Variants in GALR1 observed in about 807,000 individuals in gnomAD.
GALR1 encodes the protein galanin receptor 1, also known as galanin receptor type 1.
A neutral mutation model predicts 17.9 loss-of-function variants in GALR1; 11 were observed. The ratio of observed to expected loss-of-function variants is 0.62; its 90% CI spans 0.39 to 1.02. The LOEUF is 1.02. Ranked by LOEUF, GALR1 falls within the 50% of genes least tolerant of loss-of-function variation. GALR1 has a pLI of 0.01. For missense variants in GALR1, 441 were observed against 456.9 expected (o/e 0.97, Z 0.32); for synonymous variants, 206 against 205.7 (o/e 1.00, Z -0.01).
intron 2 of GALR1, among the ~76,000 whole-genome samples, chr18:77,262,975 C>G (rs1188641859): frequency 1.3e-5 from 2 of 152,164 alleles, no homozygotes; most frequent in Non-Finnish European, 2.9e-5. Flanking sequence ...ACTCCGGCCT[C>G]AGGGCACACT....
rs1365898065 is a variant in GALR1, at chr18:77,251,170, G to A, written c.622G>A (p.Gly208Ser). The A allele has an allele frequency of 2.5e-6, 4 of 1,610,560 alleles. No individual in the cohort carries two copies. Among genetic ancestry groups the A allele is most frequent in the Non-Finnish European group, 3.4e-6 (4 of 1,177,900 alleles). The change falls in exon 1 of 3, where the codon GGC (glycine) becomes AGC (serine). Residue 208 changes from glycine (G) to serine (S), a missense_variant. Coordinates refer to ENST00000299727, the MANE Select transcript of GALR1 (RefSeq NM_001480.4). The stretch of plus-strand genomic sequence containing the variant: ...CTACGTGGTGTGCACCTTCGTCTTC[G>A]GCTACCTGCTGCCGCTCCTGCTCAT... ...KAYVVCTFVFGYLLPLLLICF... is the reference protein window; with the variant it reads ...KAYVVCTFVFSYLLPLLLICF...
chr18:77,256,503 GTGCA>G (rs201133693), intron 2 of GALR1, among the ~76,000 whole-genome samples: 1 of 39,626 alleles, frequency 2.5e-5, no homozygotes, highest in Non-Finnish European at 4.8e-5. Flanking sequence ...CAGGAGGTGA[GTGCA>G]CTTAGGTTGA....
At position 77,270,709 on chromosome 18, in the gene GALR1, A is replaced by G. The variant is rs1011832451; in HGVS notation, c.*1807A>G. 1 of 152,154 alleles carries G rather than the reference A, an allele frequency of 6.6e-6. No homozygotes were observed. The highest frequency in any genetic ancestry group is 1.5e-5 in the Non-Finnish European group (1 of 68,028). The allele number at this position is 152,154 out of a possible 1,614,324, so 9.4% of individuals were successfully genotyped here. A position where few individuals can be genotyped will look rare whatever the true frequency, so the allele number is the denominator to read the frequency against. On this transcript the variant is annotated 3_prime_UTR_variant, in exon 3 of 3. Transcript: ENST00000299727. ...TCATATTTCAGTGACTAGTGTTTAC[A>G]TTTGCAATGTTATTAATAACTCTCT...
At chr18:77,252,959 T>TCACCACCACCACCAC (rs1912488840) in intron 1 of GALR1, among the ~76,000 whole-genome samples, 8 of 26,138 alleles carry the variant, frequency 3.1e-4, no homozygotes, top group Non-Finnish European at 4.0e-4. Context: ...ATCACCACCA[T>TCACCACCACCACCAC]CACCACCACC....
Position 77,257,806 on chromosome 18 carries a change from G to C in GALR1, c.732+1583G>C, listed in dbSNP as rs139213865. On this transcript the variant is annotated intron_variant, in intron 2 of 2. Transcript: ENST00000299727. Reference sequence around the variant, plus strand: ...GTGTGAGTCCCAGAGGCCTGTTCAAGGGGGCAGTGTTTGGAGCATCAGGGA... The same window carrying C: ...GTGTGAGTCCCAGAGGCCTGTTCAACGGGGCAGTGTTTGGAGCATCAGGGA... 4.8e-3 allele frequency among the ~76,000 whole-genome samples: 737 copies of C among 152,318 alleles called. 6 individuals are homozygous for C. The highest frequency in any genetic ancestry group is 0.017 in the African/African-American group (688 of 41,566).
rs1460408007 is a variant in GALR1, at chr18:77,271,249, C to CA, written c.*2347_*2348insA. The CA allele has an allele frequency of 9.6e-6, 1 of 104,612 alleles. No homozygotes were observed. The highest frequency in any genetic ancestry group is 9.9e-5 in the Admixed American group (1 of 10,064). The allele number at this position is 104,612 out of a possible 1,614,324, so 6.5% of individuals were successfully genotyped here. On this transcript the variant is annotated 3_prime_UTR_variant, in exon 3 of 3. Coordinates refer to ENST00000299727, the MANE Select transcript of GALR1 (RefSeq NM_001480.4). ...AAAGTAATAGCTTGCGCTTGAAACCCCCCCCCCCCCGCCACTTTGCTAAAT... is the reference window on the plus strand; with the variant it reads ...AAAGTAATAGCTTGCGCTTGAAACCCACCCCCCCCCCGCCACTTTGCTAAAT...
Position 77,250,396 on chromosome 18 carries a change from C to T in GALR1, c.-153C>T, listed in dbSNP as rs1912369685. On this transcript the variant is annotated 5_prime_UTR_variant, in exon 1 of 3. Coordinates refer to ENST00000299727, the MANE Select transcript of GALR1 (RefSeq NM_001480.4). Reference sequence around the variant, plus strand: ...GCCACCAGGCACGGCCACCGGATCCCCGCTCCCGCTGGCTCGCGCCTCGGG... The same window carrying T: ...GCCACCAGGCACGGCCACCGGATCCTCGCTCCCGCTGGCTCGCGCCTCGGG... Among the ~76,000 whole-genome samples, 1 of 152,190 alleles carries T rather than the reference C, an allele frequency of 6.6e-6. No individual in the cohort carries two copies. Among genetic ancestry groups the T allele is most frequent in the South Asian group, 2.1e-4 (1 of 4,834 alleles).
At position 77,277,746 on chromosome 18, in the gene GALR1, A is replaced by G. The variant is rs1411730232; in HGVS notation, c.*8844A>G. The G allele has an allele frequency of 6.6e-6, 1 of 152,224 alleles. No homozygotes were observed. The highest frequency in any genetic ancestry group is 6.5e-5 in the Admixed American group (1 of 15,280). 9.4% of individuals were successfully genotyped at this position (152,224 alleles called of 1,614,324 possible). On this transcript the variant is annotated 3_prime_UTR_variant, in exon 3 of 3. Transcript: ENST00000299727. Reference sequence around the variant, plus strand: ...AGCATGAATGCCAGTAAGCTGACAAAGCCAAAAGCCAAAAACTAAGAGTTT... The same window carrying G: ...AGCATGAATGCCAGTAAGCTGACAAGGCCAAAAGCCAAAAACTAAGAGTTT...
chr18:77,251,778 C>A (rs934580542), intron 1 of GALR1, among the ~76,000 whole-genome samples: 2 of 152,226 alleles, frequency 1.3e-5, no homozygotes, highest in African/African-American at 4.8e-5. Flanking sequence ...GGCGGCCCCT[C>A]TCCCCCGGGG....
At chr18:77,262,412 G>T (rs866683182) in intron 2 of GALR1, among the ~76,000 whole-genome samples, 1 of 152,174 alleles carries the variant, frequency 6.6e-6, no homozygotes, top group East Asian at 1.9e-4. Flanking sequence ...TTTTCCACTG[G>T]CATGGAACTT....
At chr18:77,259,193 GTGA>G (rs1337208936) in intron 2 of GALR1, among the ~76,000 whole-genome samples, 1 of 5,170 alleles carries the variant, frequency 1.9e-4, no homozygotes, top group African/African-American at 2.6e-4. Context: ...GATGATGGTG[GTGA>G]TGATGGTGGT....
intron 2 of GALR1, among the ~76,000 whole-genome samples, chr18:77,267,196 A>G (rs939865517): frequency 3.3e-5 from 5 of 152,188 alleles, no homozygotes; most frequent in Non-Finnish European, 7.4e-5. Flanking sequence ...AGGTTTTCTT[A>G]TGGCAGCCTT....
At chr18:77,253,169 G>A (rs1912510721) in intron 1 of GALR1, among the ~76,000 whole-genome samples, 1 of 152,150 alleles carries the variant, frequency 6.6e-6, no homozygotes, top group South Asian at 2.1e-4. Context: ...ATCTTACATA[G>A]CACAATTATC....
intron 2 of GALR1, 145 bp downstream of exon 2, chr18:77,256,368 C>T (rs529515828): frequency 4.5e-5 from 25 of 561,506 alleles, no homozygotes; most frequent in South Asian, 3.1e-4. Flanking sequence ...AGCCTCCCAC[C>T]GTTAGGATGG....
chr18:77,259,441 A>ATGG (rs1912768841), intron 2 of GALR1, among the ~76,000 whole-genome samples: 1 of 135,286 alleles, frequency 7.4e-6, no homozygotes, highest in African/African-American at 2.8e-5. Context: ...GGTGGTGATG[A>ATGG]TGGTGATCAT....
At chr18:77,258,621 G>GTGGTGATGGTGGTGA (rs1568141287) in intron 2 of GALR1, among the ~76,000 whole-genome samples, 2 of 148,150 alleles carry the variant, frequency 1.3e-5, no homozygotes, top group Non-Finnish European at 3.0e-5. Context: ...GATGGTGGTG[G>GTGGTGATGGTGGTGA]TGGTGATGGT....
rs1295015948 is a variant in GALR1 at position 77,274,409 on chromosome 18, T to C, written c.*5507T>C. On this transcript the variant is annotated 3_prime_UTR_variant, in exon 3 of 3. Coordinates refer to ENST00000299727, the MANE Select transcript of GALR1 (RefSeq NM_001480.4). ...AAAGCTCTCAGGGCCCCATTTGTGT[T>C]TGTGTGGCCTGCACTGTGTAAGTGT... The C allele has an allele frequency of 6.6e-6, 1 of 152,204 alleles. No individual in the cohort carries two copies. Among genetic ancestry groups the C allele is most frequent in the Non-Finnish European group, 1.5e-5 (1 of 68,088 alleles). The allele number at this position is 152,204 out of a possible 1,614,324, so 9.4% of individuals were successfully genotyped here. A position where few individuals can be genotyped will look rare whatever the true frequency, so the allele number is the denominator to read the frequency against.
Position 77,250,061 on chromosome 18 carries a change from C to A in GALR1, c.-488C>A, listed in dbSNP as rs1912355070. Among the ~76,000 whole-genome samples the A allele has an allele frequency of 6.6e-6, 1 of 152,356 alleles. No individual in the cohort carries two copies. The highest frequency in any genetic ancestry group is 2.1e-4 in the South Asian group (1 of 4,834). On this transcript the variant is annotated 5_prime_UTR_variant, in exon 1 of 3. Transcript: ENST00000299727. ...GCAGGAGCCGCACAGTGCACTGCTG[C>A]GCGCTGGGCAGTGCGGGGAAGCGCC... is the stretch of plus-strand genomic sequence containing the variant.
chr18:77,258,849 TG>T, intron 2 of GALR1, among the ~76,000 whole-genome samples: 1 of 131,052 alleles, frequency 7.6e-6, no homozygotes, highest in South Asian at 2.7e-4. Flanking sequence ...GTGATGGTGG[TG>T]GTGATGGTGG....
Sources: allele counts gnomAD v4.1 joint callset (sites outside exome capture counted in the v4.1 genomes callset), GRCh38; gene constraint gnomAD v4.1.1; transcripts MANE v1.5; gene names NCBI Gene and HGNC (gene_info 2026-07-23, HGNC 2026-07-21).